The following ANKRD28 variants were observed in gnomAD, a reference collection of about 807,000 sequenced individuals.
The protein encoded by ANKRD28 is serine/threonine-protein phosphatase 6 regulatory ankyrin repeat subunit A.
In ANKRD28, 44 loss-of-function variants were observed where a neutral mutation model predicts 126.5. The observed-to-expected ratio is 0.35, with a 90% confidence interval of 0.27 to 0.45. The LOEUF is 0.45. Ranked by LOEUF, ANKRD28 falls within the 20% of genes least tolerant of loss-of-function variation. The pLI is 1.00. For synonymous variants in ANKRD28, 442 were observed against 468.5 expected, an observed-to-expected ratio of 0.94 and a Z score of 0.73; for missense variants, 1,110 against 1,316.6, an observed-to-expected ratio of 0.84 and a Z score of 2.43.
chr3:15,693,605 ATGCTGC>A (rs56816346), intron 17 of ANKRD28, among the ~76,000 whole-genome samples: 2 of 151,884 alleles, frequency 1.3e-5, no homozygotes, highest in Admixed American at 6.6e-5. Flanking sequence ...TATAATGAGA[ATGCTGC>A]TGCTGCTGCT....
chr3:15,811,122 C>A (rs1314669184), intron 1 of ANKRD28, among the ~76,000 whole-genome samples: 1 of 152,170 alleles, frequency 6.6e-6, no homozygotes, highest in Non-Finnish European at 1.5e-5. Context: ...AAGGAAATAA[C>A]AGCACACCAG....
chr3:15,725,614 G>T lies in ANKRD28; in HGVS notation c.641-1090C>A, dbSNP rs147991457. 4.1e-3 allele frequency among the ~76,000 whole-genome samples: 617 copies of T among 152,236 alleles called. 1 individual carries two copies. Among genetic ancestry groups the T allele is most frequent in the East Asian group, 0.023 (118 of 5,182 alleles). ...CAGCATGTGTTCATTTCATGTGTCT[G>T]TGTCATGTTTTGGTTATTCTTGCCA... On this transcript the variant is annotated intron_variant, in intron 6 of 27. Transcript: ENST00000683139.
intron 21 of ANKRD28, among the ~76,000 whole-genome samples, chr3:15,682,970 AT>A (rs1398239436): frequency 2.0e-5 from 3 of 152,216 alleles, no homozygotes; most frequent in Non-Finnish European, 4.4e-5. Flanking sequence ...TTCTTGCAAA[AT>A]TCTGTCTCTT....
chr3:15,831,356 A>G (rs1445302154), intron 1 of ANKRD28, among the ~76,000 whole-genome samples: 1 of 152,220 alleles, frequency 6.6e-6, no homozygotes, highest in Non-Finnish European at 1.5e-5. Flanking sequence ...TTGCACTGCC[A>G]AACTCCACAT....
chr3:15,851,539 G>A (rs1459450918), intron 1 of ANKRD28, among the ~76,000 whole-genome samples: 2 of 147,784 alleles, frequency 1.4e-5, no homozygotes, highest in African/African-American at 2.6e-5. Context: ...GTGAGACTCT[G>A]TGTCAAAATA....
chr3:15,698,605 CAG>C (rs1300626087), intron 14 of ANKRD28, among the ~76,000 whole-genome samples: 1 of 152,114 alleles, frequency 6.6e-6, no homozygotes, highest in East Asian at 1.9e-4. Context: ...AACAGACAAA[CAG>C]AGAGCCAAAT....
intron 2 of ANKRD28, among the ~76,000 whole-genome samples, chr3:15,789,788 T>C (rs1033273628): frequency 6.6e-6 from 1 of 151,976 alleles, no homozygotes; most frequent in Admixed American, 6.6e-5. Context: ...TATGAATATA[T>C]AATTTTTTAA....
intron 8 of ANKRD28, among the ~76,000 whole-genome samples, chr3:15,717,000 A>C (rs2073153495): frequency 6.6e-6 from 1 of 152,050 alleles, no homozygotes. Flanking sequence ...AACCAAATCT[A>C]CTTCATATAT....
intron 4 of ANKRD28, among the ~76,000 whole-genome samples, chr3:15,745,606 C>G (rs974781263): frequency 1.3e-5 from 2 of 152,170 alleles, no homozygotes; most frequent in Non-Finnish European, 2.9e-5. Context: ...GTTTTGGTGA[C>G]TATGGCCTTA....
intron 10 of ANKRD28, 104 bp downstream of exon 10, chr3:15,713,423 T>C: frequency 1.2e-6 from 1 of 836,312 alleles, no homozygotes; most frequent in Non-Finnish European, 1.9e-6. Context: ...TAATACAACA[T>C]TGAGGATAAA....
intron 2 of ANKRD28, among the ~76,000 whole-genome samples, chr3:15,773,547 C>T (rs2059118648): frequency 6.6e-6 from 1 of 152,106 alleles, no homozygotes; most frequent in African/African-American, 2.4e-5. Flanking sequence ...ATTGCTTGAA[C>T]CCAGGACATG....
chr3:15,806,733 G>A (rs1027765879), intron 1 of ANKRD28, among the ~76,000 whole-genome samples: 1 of 152,060 alleles, frequency 6.6e-6, no homozygotes, highest in Non-Finnish European at 1.5e-5. Flanking sequence ...TTTTGGCCAG[G>A]CTGCTCTTGA....
intron 1 of ANKRD28, among the ~76,000 whole-genome samples, chr3:15,848,493 A>T (rs1027813688): frequency 2.6e-5 from 4 of 152,034 alleles, no homozygotes; most frequent in African/African-American, 9.7e-5. Context: ...TGGGCAACAG[A>T]GGGAGACCCA....
intron 3 of ANKRD28, among the ~76,000 whole-genome samples, chr3:15,762,224 A>AAAAAAAAAAAAAAC (rs2058521761): frequency 9.3e-5 from 10 of 107,688 alleles, no homozygotes; most frequent in African/African-American, 2.7e-4. Flanking sequence ...CAAAACAAAA[A>AAAAAAAAAAAAAAC]AAAAAAAACT....
At position 15,795,296 on chromosome 3, in the gene ANKRD28, A is replaced by G. The variant is rs533593840; in HGVS notation, c.128T>C (p.Val43Ala). 6.2e-7 allele frequency: 1 copy of G among 1,610,052 alleles called. No individual in the cohort carries two copies. Among genetic ancestry groups the G allele is most frequent in the East Asian group, 2.2e-5 (1 of 44,784 alleles). Residue 43 changes from valine to alanine, a missense_variant, in exon 2 of 28, where the codon GTG becomes GCG. By Grantham distance (64) the Val-to-Ala change is moderately conservative. Coordinates refer to ENST00000683139, the MANE Select transcript of ANKRD28 (RefSeq NM_001349278.2). ...PPSGNVLPSL[V>A]QAIFNGDPDE... ...AGGATCTCCGTTAAATATAGCTTGCACCAGTGATGGCTAAAATAGAAGAGA... is the reference window on the plus strand; with the variant it reads ...AGGATCTCCGTTAAATATAGCTTGCGCCAGTGATGGCTAAAATAGAAGAGA...
chr3:15,681,960 T>C (rs1473082982), intron 21 of ANKRD28, among the ~76,000 whole-genome samples: 2 of 152,178 alleles, frequency 1.3e-5, no homozygotes, highest in African/African-American at 4.8e-5. Context: ...GCCATCGTTC[T>C]GAATGTTAAC....
intron 9 of ANKRD28, 112 bp from the exon 10 acceptor site, chr3:15,713,753 A>G (rs940817174): frequency 3.6e-6 from 2 of 555,276 alleles, no homozygotes; most frequent in Non-Finnish European, 6.1e-6. Context: ...AGATACAGCA[A>G]TTTTAACTAG....
chr3:15,720,527 A>C (rs1303130456), intron 8 of ANKRD28, among the ~76,000 whole-genome samples: 2 of 152,226 alleles, frequency 1.3e-5, no homozygotes, highest in Admixed American at 6.5e-5. Flanking sequence ...CTATGAAAGC[A>C]TACAAATGAA....
rs749506301 is a variant in ANKRD28 at position 15,812,157 on chromosome 3, AAC to A, written c.28-16853_28-16852del. 7.4e-6 allele frequency among the ~76,000 whole-genome samples: 1 copy of A among 135,132 alleles called. No homozygotes were observed. The allele number at this position is 135,132 out of a possible 152,430, so 88.7% of individuals were successfully genotyped here. On this transcript the variant is annotated intron_variant, in intron 1 of 27. Coordinates refer to the ANKRD28 transcript ENST00000399451. The surrounding 1 kb of genome is among the most constrained non-coding windows in gnomAD (Gnocchi z 4.1). Reference sequence around the variant, plus strand: ...AACAGAGTGAGACTCTGGCAAACAAAACAAAACAAAACAAAACGAAACCCAAA... The same window carrying A: ...AACAGAGTGAGACTCTGGCAAACAAAAAAACAAAACAAAACGAAACCCAAA...
Sources: gnomAD v4.1 joint callset for allele counts (sites outside exome capture counted in the v4.1 genomes callset) on GRCh38, gnomAD v4.1.1 for gene constraint, Gnocchi (gnomAD v3.1) non-coding constraint, MANE v1.5 for transcripts, NCBI Gene and HGNC (gene_info 2026-07-23, HGNC 2026-07-21) for gene names.